The following DCC variants were observed in gnomAD, a reference collection of about 807,000 sequenced individuals.
The protein encoded by DCC is DCC netrin 1 receptor.
In DCC, 58 loss-of-function variants were observed where a neutral mutation model predicts 172.5. The ratio of observed to expected loss-of-function variants is 0.34; its 90% CI spans 0.27 to 0.42. The LOEUF is 0.42. Among genes scored for constraint, DCC ranks in the 10% least tolerant of loss-of-function variants. DCC has a pLI of 1.00. For synonymous variants in DCC, 709 were observed against 644.5 expected (o/e 1.10, Z -1.52); for missense variants, 1,740 against 1,791.0 (o/e 0.97, Z 0.51).
intron 1 of DCC, among the ~76,000 whole-genome samples, chr18:52,624,324 G>A (rs978423671): frequency 7.9e-5 from 12 of 152,272 alleles, no homozygotes; most frequent in African/African-American, 2.9e-4. Context: ...GAGATTGTGA[G>A]TAAAATAGTA....
chr18:52,861,384 G>A (rs2145361820), intron 2 of DCC, among the ~76,000 whole-genome samples: 1 of 152,308 alleles, frequency 6.6e-6, no homozygotes, highest in South Asian at 2.1e-4. Flanking sequence ...GCCATTACCA[G>A]TCAAAGCCTT....
chr18:53,045,700 C>T (rs559955451), intron 5 of DCC, among the ~76,000 whole-genome samples: 52 of 151,972 alleles, frequency 3.4e-4, no homozygotes, highest in Middle Eastern at 6.8e-3. Flanking sequence ...CACTAGATTT[C>T]GCTATTTTGT....
At chr18:53,305,281 C>A (rs2057187142) in intron 12 of DCC, among the ~76,000 whole-genome samples, 1 of 152,170 alleles carries the variant, frequency 6.6e-6, no homozygotes, top group South Asian at 2.1e-4. Flanking sequence ...TAACCTTATT[C>A]TCTATTGTTT....
At chr18:52,927,868 ATAACT>A (rs1247936315) in intron 5 of DCC, among the ~76,000 whole-genome samples, 1 of 152,112 alleles carries the variant, frequency 6.6e-6, no homozygotes, top group Admixed American at 6.6e-5. Context: ...GATTCCTCAA[ATAACT>A]TAAAGTAGAA....
intron 11 of DCC, among the ~76,000 whole-genome samples, chr18:53,211,737 AATAAAATAAAT>A (rs1474920717): frequency 2.6e-5 from 4 of 152,160 alleles, no homozygotes; most frequent in Non-Finnish European, 2.9e-5. Context: ...AATAAAATAA[AATAAAATAAAT>A]ATAAAATAAA....
intron 1 of DCC, among the ~76,000 whole-genome samples, chr18:52,376,908 C>T (rs1183139947): frequency 2.0e-5 from 3 of 152,080 alleles, no homozygotes; most frequent in African/African-American, 7.2e-5. Flanking sequence ...AACACGAAGT[C>T]AATGCAAAGC....
intron 1 of DCC, among the ~76,000 whole-genome samples, chr18:52,731,689 C>A (rs1382325394): frequency 6.6e-6 from 1 of 151,814 alleles, no homozygotes; most frequent in Non-Finnish European, 1.5e-5. Flanking sequence ...TTTTAACCCC[C>A]AAAAAACCCA....
At chr18:52,437,211 A>C (rs1294885832) in intron 1 of DCC, among the ~76,000 whole-genome samples, 1 of 152,224 alleles carries the variant, frequency 6.6e-6, no homozygotes, top group Non-Finnish European at 1.5e-5. Flanking sequence ...TGGGGAAGAC[A>C]TCTCCATGGG....
intron 8 of DCC, among the ~76,000 whole-genome samples, chr18:53,159,036 T>C (rs1251150593): frequency 6.7e-6 from 1 of 149,626 alleles, no homozygotes; most frequent in African/African-American, 2.5e-5. Context: ...CATATTGCCT[T>C]GTGCTCACTA....
chr18:52,804,474 G>C (rs2038050059), intron 2 of DCC, among the ~76,000 whole-genome samples: 1 of 152,164 alleles, frequency 6.6e-6, no homozygotes. Context: ...AGCTGGGTCA[G>C]AAGTATCATC....
chr18:52,513,667 G>A (rs574682508), intron 1 of DCC, among the ~76,000 whole-genome samples: 1 of 152,070 alleles, frequency 6.6e-6, no homozygotes, highest in South Asian at 2.1e-4. Flanking sequence ...AGGTCTTTTG[G>A]CTCTAAAACT....
At chr18:53,153,612 G>A (rs768030624) in intron 7 of DCC, among the ~76,000 whole-genome samples, 2 of 152,028 alleles carry the variant, frequency 1.3e-5, no homozygotes, top group Non-Finnish European at 2.9e-5. Context: ...TCAATAAGAC[G>A]ATTTATTATT....
intron 2 of DCC, among the ~76,000 whole-genome samples, chr18:52,776,351 T>C (rs1005522689): frequency 6.6e-6 from 1 of 152,074 alleles, no homozygotes; most frequent in South Asian, 2.1e-4. Flanking sequence ...AGTTTTAAAA[T>C]GTATTAGGTT....
intron 22 of DCC, among the ~76,000 whole-genome samples, chr18:53,445,638 A>G (rs913170958): frequency 6.6e-6 from 1 of 152,246 alleles, no homozygotes; most frequent in Non-Finnish European, 1.5e-5. Context: ...CATTTTTGAC[A>G]GTCTATAAAA....
At chr18:53,218,084 A>C (rs1366739048) in intron 12 of DCC, among the ~76,000 whole-genome samples, 1 of 152,236 alleles carries the variant, frequency 6.6e-6, no homozygotes. Context: ...CCTGACCTCA[A>C]GCTATCCTCC....
At chr18:53,490,680 C>A (rs1047110381) in intron 26 of DCC, among the ~76,000 whole-genome samples, 1 of 152,162 alleles carries the variant, frequency 6.6e-6, no homozygotes, top group Non-Finnish European at 1.5e-5. Flanking sequence ...AATGTCATGC[C>A]ACTAAGCCAA....
At chr18:52,604,233 A>C (rs938362835) in intron 1 of DCC, among the ~76,000 whole-genome samples, 20 of 152,118 alleles carry the variant, frequency 1.3e-4, no homozygotes, top group South Asian at 1.2e-3. Context: ...AATCTGACCA[A>C]ATGTCTCCTT....
intron 5 of DCC, among the ~76,000 whole-genome samples, chr18:53,014,708 C>T (rs571076527): frequency 3.9e-5 from 6 of 152,066 alleles, no homozygotes; most frequent in East Asian, 1.9e-4. Flanking sequence ...AGAAGGCTCA[C>T]GTGTTCAAGT....
intron 5 of DCC, among the ~76,000 whole-genome samples, chr18:52,976,567 G>C (rs2041122230): frequency 6.6e-6 from 1 of 152,162 alleles, no homozygotes. Flanking sequence ...TTTGCAAGAT[G>C]ACACAATTCC....
Sources: allele counts gnomAD v4.1 joint callset (sites outside exome capture counted in the v4.1 genomes callset), GRCh38; gene constraint gnomAD v4.1.1; transcripts MANE v1.5; gene names NCBI Gene and HGNC (gene_info 2026-07-23, HGNC 2026-07-21).